LRSAM1: variants seen among roughly 807,000 people sequenced by gnomAD.
The protein encoded by LRSAM1 is leucine rich repeat and sterile alpha motif containing 1, also known as E3 ubiquitin-protein ligase LRSAM1.
In LRSAM1, 96 loss-of-function variants were observed where a neutral mutation model predicts 118.1. The ratio of observed to expected loss-of-function variants is 0.81; its 90% CI spans 0.69 to 0.96. LRSAM1 has a LOEUF of 0.96. Ranked by LOEUF, LRSAM1 falls within the 40% of genes least tolerant of loss-of-function variation. LRSAM1 has a pLI of 0.00. For synonymous variants in LRSAM1, 322 were observed against 364.2 expected (o/e 0.88, Z 1.32); for missense variants, 804 against 915.5 (o/e 0.88, Z 1.57).
intron 10 of LRSAM1, among the ~76,000 whole-genome samples, chr9:127,471,864 T>C (rs921072785): frequency 2.0e-5 from 3 of 150,520 alleles, no homozygotes; most frequent in African/African-American, 7.3e-5. Flanking sequence ...GGTTTCGCCA[T>C]GTTGACCAGG....
At chr9:127,472,105 G>T (rs1402364441) in intron 10 of LRSAM1, among the ~76,000 whole-genome samples, 1 of 148,564 alleles carries the variant, frequency 6.7e-6, no homozygotes, top group Non-Finnish European at 1.5e-5. Flanking sequence ...GGGATTACAG[G>T]CGCCCACCAC....
rs1279038142 is a variant in LRSAM1 at position 127,487,700 on chromosome 9, C to T, written c.1284C>T (p.Phe428=). ...GCATGGCCGAAATGGATGAACGATT[C>T]CAGCAGATTCTGTCGTGGCAGCAAA... is the stretch of plus-strand genomic sequence containing the variant. ...CSSMAEMDER[F]QQILSWQQMD... is the part of the protein sequence containing the mutation. Residue 428 remains phenylalanine (F), a synonymous_variant, in exon 18 of 26, where the codon TTC becomes TTT. Transcript: ENST00000300417. 6.2e-7 allele frequency: 1 copy of T among 1,613,770 alleles called. No homozygotes were observed. Among genetic ancestry groups the T allele is most frequent in the African/African-American group, 1.3e-5 (1 of 75,036 alleles).
intron 5 of LRSAM1, 136 bp downstream of exon 5, chr9:127,455,756 A>G: frequency 1.2e-6 from 1 of 842,518 alleles, no homozygotes; most frequent in East Asian, 2.6e-5. Flanking sequence ...GGCCTGCAGC[A>G]GGTGTTTTCA....
chr9:127,467,698 G>A (rs374344308), intron 9 of LRSAM1, 42 bp from the exon 10 acceptor site: 111 of 1,563,514 alleles, frequency 7.1e-5, no homozygotes, highest in South Asian at 1.4e-4. Flanking sequence ...CTCCGGTTGC[G>A]TTGGTAGCGA....
intron 24 of LRSAM1, 53 bp from the exon 25 acceptor site, chr9:127,500,957 G>T: frequency 6.2e-7 from 1 of 1,612,928 alleles, no homozygotes; most frequent in Non-Finnish European, 8.5e-7. Flanking sequence ...GCCCCCAGGG[G>T]TTAGGGTCAG....
intron 25 of LRSAM1, among the ~76,000 whole-genome samples, chr9:127,501,853 G>A (rs1025101498): frequency 3.3e-5 from 5 of 152,252 alleles, no homozygotes; most frequent in African/African-American, 1.2e-4. Flanking sequence ...TAGAAAAGCA[G>A]CCATGTTTGC....
intron 5 of LRSAM1, among the ~76,000 whole-genome samples, chr9:127,456,275 C>T (rs544883338): frequency 6.6e-6 from 1 of 151,004 alleles, no homozygotes; most frequent in African/African-American, 2.4e-5. Context: ...GCTCTGTCAC[C>T]CAGGCTGGAG....
rs143479340 is a variant in LRSAM1 at position 127,501,139 on chromosome 9, G to C, written c.2042G>C (p.Arg681Pro). The C allele has an allele frequency of 6.2e-7, 1 of 1,613,046 alleles. No individual in the cohort carries two copies. The highest frequency in any genetic ancestry group is 8.5e-7 in the Non-Finnish European group (1 of 1,179,964). The change falls in exon 25 of 26, where the codon CGG (arginine) becomes CCG (proline). Residue 681 changes from arginine to proline, a missense_variant. Coordinates refer to ENST00000300417, the MANE Select transcript of LRSAM1 (RefSeq NM_001005373.4). ...TCAGAGTGTGTCGTGTGCCTGGAAC[G>C]GGAGGTAAGTCCGGGGCCCTCCCCA... ...QASECVVCLE[R>P]EAQMIFLNCG... is the part of the protein sequence containing the mutation.
At chr9:127,459,494 C>T (rs1834655314) in intron 7 of LRSAM1, among the ~76,000 whole-genome samples, 1 of 152,136 alleles carries the variant, frequency 6.6e-6, no homozygotes, top group Non-Finnish European at 1.5e-5. Context: ...GCTGGGATTA[C>T]AGGTGTGAGC....
intron 20 of LRSAM1, 75 bp from the exon 21 acceptor site, chr9:127,492,727 T>C (rs1284252282): frequency 7.2e-7 from 1 of 1,387,758 alleles, no homozygotes; most frequent in Non-Finnish European, 1.0e-6. Context: ...GGCCAGGCCC[T>C]TCTCCATCCT....
Position 127,503,074 on chromosome 9 carries a change from A to T in LRSAM1, c.*175A>T. 1 of 825,934 alleles carries T rather than the reference A, an allele frequency of 1.2e-6. No homozygotes were observed. The highest frequency in any genetic ancestry group is 1.9e-6 in the Non-Finnish European group (1 of 525,146). The allele number at this position is 825,934 out of a possible 1,614,324, so 51.2% of individuals were successfully genotyped here. The stretch of plus-strand genomic sequence containing the variant: ...CTCCAAGCATGTCTGGGCCAGGCAG[A>T]GGTGCTCCTCATCCATGACACCACC... On this transcript the variant is annotated 3_prime_UTR_variant, in exon 26 of 26. Coordinates refer to ENST00000300417, the MANE Select transcript of LRSAM1 (RefSeq NM_001005373.4).
intron 20 of LRSAM1, 109 bp from the exon 21 acceptor site, chr9:127,492,693 G>A (rs1835974182): frequency 1.0e-6 from 1 of 995,712 alleles, no homozygotes; most frequent in South Asian, 1.4e-5. Context: ...TGGAGGCATT[G>A]GGCAGAGAAC....
At chr9:127,479,793 G>A (rs370424479) in intron 13 of LRSAM1, 46 bp from the exon 14 acceptor site, 31 of 1,602,906 alleles carry the variant, frequency 1.9e-5, no homozygotes, top group Admixed American at 1.3e-4. Flanking sequence ...CCCTCACGGC[G>A]TCTGAGGGGG....
intron 14 of LRSAM1, among the ~76,000 whole-genome samples, chr9:127,480,871 G>A (rs187433417): frequency 2.6e-5 from 4 of 152,160 alleles, no homozygotes; most frequent in Admixed American, 2.0e-4. Context: ...TAGAGATAAG[G>A]TTTCTCCATG....
rs539859583 is a variant in LRSAM1 at position 127,454,515 on chromosome 9, G to T, written c.-13G>T. On this transcript the variant is annotated 5_prime_UTR_variant, in exon 3 of 26. Transcript: ENST00000300417. Reference sequence around the variant, plus strand: ...CCCCAGGGTCCTAAAGATCGCTCTGGGAAAAGGGAAGGATGCCGCTCTTCT... The same window carrying T: ...CCCCAGGGTCCTAAAGATCGCTCTGTGAAAAGGGAAGGATGCCGCTCTTCT... 5.3e-5 allele frequency: 86 copies of T among 1,614,114 alleles called. 1 individual carries two copies. The South Asian group carries it at 8.8e-4, about 16-fold the overall frequency.
intron 21 of LRSAM1, among the ~76,000 whole-genome samples, chr9:127,493,122 C>T (rs139554942): frequency 3.3e-5 from 5 of 152,284 alleles, no homozygotes; most frequent in Admixed American, 6.5e-5. Context: ...AGTGCAGTGG[C>T]GCAATCTCAG....
intron 19 of LRSAM1, among the ~76,000 whole-genome samples, chr9:127,489,895 C>T (rs1049331373): frequency 2.6e-5 from 4 of 152,358 alleles, no homozygotes; most frequent in Admixed American, 2.6e-4. Context: ...AGCGCTCCTA[C>T]AGCTCAGACA....
At chr9:127,482,780 C>T (rs573175583) in intron 15 of LRSAM1, among the ~76,000 whole-genome samples, 170 bp from the exon 16 acceptor site, 14 of 152,292 alleles carry the variant, frequency 9.2e-5, no homozygotes, top group South Asian at 8.3e-4. Context: ...AGGCTGAAGG[C>T]GAACAGAGGG....
chr9:127,502,783 A>G lies in LRSAM1; in HGVS notation c.2056A>G (p.Ile686Val), dbSNP rs1836444367. The change falls in exon 26 of 26, where the codon ATC becomes GTC. Residue 686 changes from isoleucine (I) to valine (V), a missense_variant. Transcript: ENST00000300417. ...VVCLEREAQM[I>V]FLNCGHVCCC... The stretch of plus-strand genomic sequence containing the variant: ...CGCTCTCCCTCCCCAGGCCCAGATG[A>G]TCTTCCTCAACTGTGGCCACGTCTG... 3.7e-6 allele frequency: 6 copies of G among 1,612,202 alleles called. No homozygotes were observed. Among genetic ancestry groups the G allele is most frequent in the Non-Finnish European group, 5.1e-6 (6 of 1,179,608 alleles).
Sources: allele counts gnomAD v4.1 joint callset (sites outside exome capture counted in the v4.1 genomes callset), GRCh38; gene constraint gnomAD v4.1.1; transcripts MANE v1.5; gene names NCBI Gene and HGNC (gene_info 2026-07-23, HGNC 2026-07-21).